Variants in FBXO36 observed in about 807,000 individuals in gnomAD.
FBXO36 encodes the protein F-box only protein 36.
FBXO36 carries 18 observed loss-of-function variants against 17.0 expected under a neutral mutation model. The ratio of observed to expected loss-of-function variants is 1.06; its 90% CI spans 0.73 to 1.57. The LOEUF is 1.57. FBXO36 is among the 40% of genes most tolerant of loss of function. FBXO36 has a pLI of 0.00. For missense variants in FBXO36, 229 were observed against 221.9 expected, an observed-to-expected ratio of 1.03 and a Z score of -0.20; for synonymous variants, 83 against 85.3, an observed-to-expected ratio of 0.97 and a Z score of 0.15.
At chr2:229,958,312 C>G (rs2077101919) in intron 1 of FBXO36, among the ~76,000 whole-genome samples, 1 of 121,382 alleles carries the variant, frequency 8.2e-6, no homozygotes, top group African/African-American at 3.1e-5. Context: ...ACTCTGTCAT[C>G]CAGGCTGGAG....
chr2:229,945,831 T>A (rs984414868), intron 1 of FBXO36, among the ~76,000 whole-genome samples: 11 of 150,684 alleles, frequency 7.3e-5, no homozygotes, highest in Non-Finnish European at 1.3e-4. Flanking sequence ...GAGACCAGCC[T>A]GGCCAACATG....
chr2:230,002,382 A>AT lies in FBXO36; in HGVS notation c.378+5471dup, dbSNP rs200392268. 1.4e-3 allele frequency among the ~76,000 whole-genome samples: 208 copies of AT among 145,992 alleles called. 1 individual carries two copies. Among genetic ancestry groups the AT allele is most frequent in the South Asian group, 4.3e-4 (2 of 4,604 alleles). On this transcript the variant is annotated intron_variant, in intron 3 of 3. Transcript: ENST00000283946. Reference sequence around the variant, plus strand: ...TCTGTTTTTTCCCCCCCGTACGTTAATTTTTTTTTTTTCCTTTTTGAGACA... The same window carrying AT: ...TCTGTTTTTTCCCCCCCGTACGTTAATTTTTTTTTTTTTCCTTTTTGAGACA...
chr2:230,003,381 T>C (rs1381200551), intron 3 of FBXO36, among the ~76,000 whole-genome samples: 2 of 152,106 alleles, frequency 1.3e-5, no homozygotes, highest in African/African-American at 4.8e-5. Context: ...TCACTGGTCT[T>C]AGGATAACCC....
intron 1 of FBXO36, among the ~76,000 whole-genome samples, chr2:229,959,219 A>G (rs182593475): frequency 2.0e-5 from 3 of 151,986 alleles, no homozygotes; most frequent in African/African-American, 7.3e-5. Context: ...GAATCTTGCT[A>G]TTTTGCCCAG....
chr2:229,985,311 CA>C (rs2077262458), intron 2 of FBXO36, among the ~76,000 whole-genome samples: 1 of 152,104 alleles, frequency 6.6e-6, no homozygotes, highest in African/African-American at 2.4e-5. Context: ...AATTGCCCTC[CA>C]AAAAACTGCT....
chr2:229,978,777 G>A lies in FBXO36; in HGVS notation c.205+2428G>A, dbSNP rs141370867. ...AAGGAGGATCTTACAGCTAAATACTGACATTGCCAGGACTAAGCATTGAAA... is the reference window on the plus strand; with the variant it reads ...AAGGAGGATCTTACAGCTAAATACTAACATTGCCAGGACTAAGCATTGAAA... On this transcript the variant is annotated intron_variant, in intron 2 of 3. Coordinates refer to ENST00000283946, the MANE Select transcript of FBXO36 (RefSeq NM_174899.5). Among the ~76,000 whole-genome samples, 297 of 152,150 alleles carry A rather than the reference G, an allele frequency of 2.0e-3. 1 individual carries two copies. The highest frequency in any genetic ancestry group is 6.9e-3 in the African/African-American group (285 of 41,494).
chr2:230,000,703 C>A (rs2077353848), intron 3 of FBXO36, among the ~76,000 whole-genome samples: 1 of 152,072 alleles, frequency 6.6e-6, no homozygotes, highest in East Asian at 1.9e-4. Context: ...TGAAAACATT[C>A]TCCATAATTT....
chr2:229,998,925 C>T (rs1016251349), intron 3 of FBXO36, among the ~76,000 whole-genome samples: 2 of 150,866 alleles, frequency 1.3e-5, no homozygotes, highest in African/African-American at 2.4e-5. Flanking sequence ...GCCTCAGCCT[C>T]CCGAGTAGCT....
At chr2:229,959,097 G>A (rs906755126) in intron 1 of FBXO36, among the ~76,000 whole-genome samples, 3 of 152,122 alleles carry the variant, frequency 2.0e-5, no homozygotes, top group African/African-American at 4.8e-5. Context: ...TATCCATCTT[G>A]TAGCCTCCTA....
chr2:229,997,430 T>C (rs985582146), intron 3 of FBXO36, among the ~76,000 whole-genome samples: 17 of 151,716 alleles, frequency 1.1e-4, no homozygotes, highest in Non-Finnish European at 2.4e-4. Flanking sequence ...ATACAAAAAT[T>C]AGCTGGGCGT....
At position 230,013,057 on chromosome 2, in the gene FBXO36, A is replaced by T. The variant is rs372608799; in HGVS notation, c.*2173A>T. ...AAAAAGAGCCATTAATATGTTAACT[A>T]TTGTTAAATAATAGCTAAAATAATA... is the stretch of plus-strand genomic sequence containing the variant. On this transcript the variant is annotated 3_prime_UTR_variant, in exon 4 of 4. Coordinates refer to ENST00000283946, the MANE Select transcript of FBXO36 (RefSeq NM_174899.5). 1.5e-4 allele frequency: 23 copies of T among 151,790 alleles called. No individual in the cohort carries two copies. The East Asian group carries it at 2.3e-3, about 15-fold the overall frequency. The allele number at this position is 151,790 out of a possible 1,614,324, so 9.4% of individuals were successfully genotyped here. A position where few individuals can be genotyped will look rare whatever the true frequency, so the allele number is the denominator to read the frequency against.
At chr2:230,001,138 C>T (rs1172037271) in intron 3 of FBXO36, among the ~76,000 whole-genome samples, 1 of 152,066 alleles carries the variant, frequency 6.6e-6, no homozygotes, top group Non-Finnish European at 1.5e-5. Flanking sequence ...AGATTACAGG[C>T]GTGAGCCACT....
At position 229,976,425 on chromosome 2, in the gene FBXO36, A is replaced by T. The variant is rs73103599; in HGVS notation, c.205+76A>T. 6.6e-3 allele frequency: 6,654 copies of T among 1,007,284 alleles called. 332 individuals are homozygous for T. The African/African-American group carries it at 0.094, about 14-fold the overall frequency. 62.4% of individuals were successfully genotyped at this position (1,007,284 alleles called of 1,614,324 possible). Reference sequence around the variant, plus strand: ...GGTAGATTTTGTTAAAGAAGTTTCAAATATATTTTCACTTGAAATATTGAT... The same window carrying T: ...GGTAGATTTTGTTAAAGAAGTTTCATATATATTTTCACTTGAAATATTGAT... On this transcript the variant is annotated intron_variant, in intron 2 of 3. Coordinates refer to ENST00000283946, the MANE Select transcript of FBXO36 (RefSeq NM_174899.5).
intron 1 of FBXO36, among the ~76,000 whole-genome samples, chr2:229,957,146 G>A (rs1423113846): frequency 6.6e-6 from 1 of 152,190 alleles, no homozygotes; most frequent in Admixed American, 6.6e-5. Context: ...AAGTGCTTTA[G>A]TGGATATTCT....
Position 229,986,345 on chromosome 2 carries a change from G to A in FBXO36, c.205+9996G>A, listed in dbSNP as rs2077268168. Among the ~76,000 whole-genome samples the A allele has an allele frequency of 1.3e-5, 2 of 151,856 alleles. 1 individual carries two copies. Among genetic ancestry groups the A allele is most frequent in the South Asian group, 4.2e-4 (2 of 4,804 alleles). On this transcript the variant is annotated intron_variant, in intron 2 of 3. Transcript: ENST00000283946. ...ATGAAACCCTGTCTGTATAAAAAAT[G>A]CAAAAATTAACTGGGTGTGGATTCA...
rs547786987 is a variant in FBXO36 at position 229,967,003 on chromosome 2, C to G, written c.97-9238C>G. Among the ~76,000 whole-genome samples the G allele has an allele frequency of 2.0e-5, 3 of 152,274 alleles. No homozygotes were observed. In the East Asian group the frequency reaches 5.8e-4, roughly 29 times the overall value. On this transcript the variant is annotated intron_variant, in intron 1 of 3. Transcript: ENST00000283946. Reference sequence around the variant, plus strand: ...GCCATTTTCACGATATTCTTCCTACCCATGAGCATGGAATGTTCTTCCATT... The same window carrying G: ...GCCATTTTCACGATATTCTTCCTACGCATGAGCATGGAATGTTCTTCCATT...
At chr2:229,926,324 G>A (rs1488060283) in intron 1 of FBXO36, among the ~76,000 whole-genome samples, 1 of 151,526 alleles carries the variant, frequency 6.6e-6, no homozygotes, top group African/African-American at 2.4e-5. Flanking sequence ...CTAGCTACTC[G>A]GGAGGCTGAG....
chr2:229,928,657 C>T (rs2076924485), intron 1 of FBXO36, among the ~76,000 whole-genome samples: 1 of 152,136 alleles, frequency 6.6e-6, no homozygotes, highest in African/African-American at 2.4e-5. Context: ...CAAACTCCTG[C>T]TGTTTTTGTG....
At chr2:229,938,432 T>C (rs2106159613) in intron 1 of FBXO36, among the ~76,000 whole-genome samples, 1 of 148,316 alleles carries the variant, frequency 6.7e-6, no homozygotes, top group East Asian at 2.0e-4. Context: ...GATGGCGTTG[T>C]AGAGATGGCG....
Sources: allele counts gnomAD v4.1 joint callset (sites outside exome capture counted in the v4.1 genomes callset), GRCh38; gene constraint gnomAD v4.1.1; transcripts MANE v1.5; gene names NCBI Gene and HGNC (gene_info 2026-07-23, HGNC 2026-07-21).